The following SLC23A2 variants were observed in gnomAD, a reference collection of about 807,000 sequenced individuals.
SLC23A2 encodes solute carrier family 23 member 2.
A neutral mutation model predicts 73.3 loss-of-function variants in SLC23A2; 36 were observed. The ratio of observed to expected loss-of-function variants is 0.49; its 90% CI spans 0.38 to 0.65. The LOEUF (loss-of-function observed/expected upper bound fraction) is 0.65, where lower values mean the gene tolerates loss of function less well. SLC23A2 is among the 30% of genes least tolerant of loss of function. SLC23A2 has a pLI of 0.00. For missense variants in SLC23A2, 507 were observed against 841.6 expected, an observed-to-expected ratio of 0.60 and a Z score of 4.92; for synonymous variants, 343 against 327.3, an observed-to-expected ratio of 1.05 and a Z score of -0.52.
chr20:4,933,637 GA>G (rs907411891), intron 2 of SLC23A2, among the ~76,000 whole-genome samples: 3 of 145,648 alleles, frequency 2.1e-5, no homozygotes, highest in South Asian at 2.2e-4. Flanking sequence ...AGTCTCAAAA[GA>G]AAAAAAAAAT....
chr20:4,999,162 T>C (rs915918224), intron 1 of SLC23A2, among the ~76,000 whole-genome samples: 4 of 152,190 alleles, frequency 2.6e-5, no homozygotes, highest in African/African-American at 9.7e-5. Flanking sequence ...AAGCTACCAG[T>C]GGTACCAGAA....
chr20:4,956,333 T>C (rs542104133), intron 2 of SLC23A2, among the ~76,000 whole-genome samples: 34 of 152,284 alleles, frequency 2.2e-4, no homozygotes, highest in African/African-American at 7.5e-4. Context: ...AAACCTACTT[T>C]GACTCTGTAA....
chr20:4,907,291 A>C lies in SLC23A2; in HGVS notation c.208-4733T>G, dbSNP rs550387113. Among the ~76,000 whole-genome samples, 6 of 152,254 alleles carry C rather than the reference A, an allele frequency of 3.9e-5. No homozygotes were observed. In the East Asian group the frequency reaches 5.8e-4, roughly 15 times the overall value. On this transcript the variant is annotated intron_variant, in intron 4 of 16. Coordinates refer to ENST00000338244, the MANE Select transcript of SLC23A2 (RefSeq NM_005116.6). ...AAAGACAAGATAGTGACATCTATAG[A>C]TCCCACAGAGACAACACGGCTTTCC...
chr20:4,976,170 T>C (rs2087642404), intron 1 of SLC23A2, among the ~76,000 whole-genome samples: 1 of 151,944 alleles, frequency 6.6e-6, no homozygotes, highest in African/African-American at 2.4e-5. Context: ...TCTTTTTTTT[T>C]TCCTACTTTT....
At chr20:5,004,896 G>A (rs985687904), upstream of SLC23A2, among the ~76,000 whole-genome samples, 24 of 152,004 alleles carry the variant, frequency 1.6e-4, no homozygotes, top group Admixed American at 1.4e-3. Flanking sequence ...CTACTCAGGA[G>A]GCTGAGGCAG....
intron 13 of SLC23A2, 56 bp downstream of exon 13, chr20:4,867,706 GATCGATCA>G: frequency 1.1e-6 from 1 of 900,936 alleles, no homozygotes; most frequent in Non-Finnish European, 1.8e-6. Flanking sequence ...GCAGTGGCCA[GATCGATCA>G]ATGAAATGGA....
At chr20:4,956,127 T>G (rs1034150147) in intron 2 of SLC23A2, among the ~76,000 whole-genome samples, 3 of 152,210 alleles carry the variant, frequency 2.0e-5, no homozygotes, top group African/African-American at 7.2e-5. Context: ...TTTGAAAATA[T>G]CTAATCTGAT....
chr20:4,933,667 C>G (rs1164430608), intron 2 of SLC23A2, among the ~76,000 whole-genome samples: 1 of 151,898 alleles, frequency 6.6e-6, no homozygotes, highest in Non-Finnish European at 1.5e-5. Context: ...ACAGAGGATC[C>G]CTCCAAGGAA....
At chr20:4,869,219 A>G (rs1930328700) in intron 12 of SLC23A2, 1 of 152,230 alleles carries the variant, frequency 6.6e-6, no homozygotes, top group Non-Finnish European at 1.5e-5. Flanking sequence ...GGATTGCTTG[A>G]GCCCAGGAGT....
intron 4 of SLC23A2, among the ~76,000 whole-genome samples, chr20:4,903,123 TTC>T (rs1314076888): frequency 1.3e-5 from 2 of 152,142 alleles, no homozygotes; most frequent in Non-Finnish European, 2.9e-5. Flanking sequence ...GTGATTTGAA[TTC>T]TGTTTAAAAA....
chr20:4,876,195 G>A (rs956200337), intron 9 of SLC23A2, among the ~76,000 whole-genome samples: 4 of 152,204 alleles, frequency 2.6e-5, no homozygotes, highest in Non-Finnish European at 5.9e-5. Flanking sequence ...CAATTTTCAT[G>A]TCTGGAAAAA....
intron 9 of SLC23A2, among the ~76,000 whole-genome samples, chr20:4,876,848 T>C (rs563256543): frequency 1.4e-4 from 21 of 152,342 alleles, no homozygotes; most frequent in Non-Finnish European, 2.5e-4. Flanking sequence ...AGACAGATTG[T>C]CATCTTCCTT....
intron 4 of SLC23A2, among the ~76,000 whole-genome samples, chr20:4,906,190 A>C (rs542754295): frequency 6.6e-6 from 1 of 152,284 alleles, no homozygotes; most frequent in East Asian, 1.9e-4. Flanking sequence ...AACAAACAAA[A>C]ATTAGCTGGG....
At chr20:4,965,097 A>T (rs1205396757) in intron 2 of SLC23A2, among the ~76,000 whole-genome samples, 1 of 152,146 alleles carries the variant, frequency 6.6e-6, no homozygotes, top group Middle Eastern at 3.2e-3. Context: ...ACTAGAAGAG[A>T]AATTCTGGCA....
intron 2 of SLC23A2, among the ~76,000 whole-genome samples, chr20:4,932,968 G>GA (rs1290706535): frequency 1.3e-5 from 2 of 151,676 alleles, no homozygotes; most frequent in African/African-American, 4.8e-5. Context: ...ATACTAGGGA[G>GA]AAAAAAAATA....
chr20:4,930,551 G>C (rs1932777609), intron 3 of SLC23A2, among the ~76,000 whole-genome samples: 1 of 152,162 alleles, frequency 6.6e-6, no homozygotes, highest in African/African-American at 2.4e-5. Context: ...GGGCACAGTG[G>C]CTCACACCTG....
chr20:4,873,021 C>A (rs67082307), intron 11 of SLC23A2, among the ~76,000 whole-genome samples: 10,102 of 152,242 alleles, frequency 0.066, 762 homozygotes, highest in African/African-American at 0.18. Context: ...CCCCAAAGTG[C>A]TGGGGTTACA....
intron 9 of SLC23A2, among the ~76,000 whole-genome samples, chr20:4,881,092 G>C (rs1198735099): frequency 6.6e-6 from 1 of 152,242 alleles, no homozygotes; most frequent in East Asian, 1.9e-4. Context: ...CTGAAGAACA[G>C]ATAGACATTT....
intron 2 of SLC23A2, among the ~76,000 whole-genome samples, chr20:4,933,248 A>G (rs1932808677): frequency 6.6e-6 from 1 of 152,174 alleles, no homozygotes; most frequent in South Asian, 2.1e-4. Flanking sequence ...TGGGCATTAA[A>G]ATAATTCTAC....
Sources: gnomAD v4.1 joint callset for allele counts (sites outside exome capture counted in the v4.1 genomes callset) on GRCh38, gnomAD v4.1.1 for gene constraint, MANE v1.5 for transcripts, NCBI Gene and HGNC (gene_info 2026-07-23, HGNC 2026-07-21) for gene names.